WDR35: variants seen among roughly 807,000 people sequenced by gnomAD.
WDR35 encodes the protein WD repeat domain 35, also known as WD repeat-containing protein 35.
In WDR35, 118 loss-of-function variants were observed where a neutral mutation model predicts 158.3. The ratio of observed to expected loss-of-function variants is 0.75; its 90% CI spans 0.64 to 0.87. The LOEUF (loss-of-function observed/expected upper bound fraction) is 0.87, where lower values mean the gene tolerates loss of function less well. Ranked by LOEUF, WDR35 falls within the 40% of genes least tolerant of loss-of-function variation. WDR35 has a pLI of 0.00. For missense variants in WDR35, 1,263 were observed against 1,405.8 expected, an observed-to-expected ratio of 0.90 and a Z score of 1.62; for synonymous variants, 448 against 476.1, an observed-to-expected ratio of 0.94 and a Z score of 0.77.
In WDR35 at chr2:19,947,318, A is replaced by G. The variant is rs540169568; in HGVS notation, c.1525-748T>C. On this transcript the variant is annotated intron_variant, in intron 14 of 26. Transcript: ENST00000281405. ...CTGCTTTTGCAGCATGAGTCTCATG[A>G]GGGCTTATCAGAAAGGAGGGAATAC... 2.0e-5 allele frequency among the ~76,000 whole-genome samples: 3 copies of G among 152,258 alleles called. No homozygotes were observed. The South Asian group carries it at 6.2e-4, about 32-fold the overall frequency.
intron 10 of WDR35, among the ~76,000 whole-genome samples, chr2:19,966,383 C>T (rs1023051768): frequency 6.6e-6 from 1 of 152,178 alleles, no homozygotes; most frequent in Non-Finnish European, 1.5e-5. Flanking sequence ...ATAATTTCTT[C>T]AGCATTTATG....
At position 19,956,782 on chromosome 2, in the gene WDR35, G is replaced by A. The variant is rs1445892220; in HGVS notation, c.1256-2804C>T. Among the ~76,000 whole-genome samples, 6 of 151,822 alleles carry A rather than the reference G, an allele frequency of 4.0e-5. No individual in the cohort carries two copies. In the East Asian group the frequency reaches 5.8e-4, roughly 15 times the overall value. ...ACTACAGGCGCGCGCCACCATGCCC[G>A]GCTAATTTTTGTATTTTTAGTAGAG... On this transcript the variant is annotated intron_variant, in intron 11 of 26. Coordinates refer to ENST00000281405, the MANE Select transcript of WDR35 (RefSeq NM_020779.4).
At chr2:19,945,717 G>C in intron 16 of WDR35, 69 bp downstream of exon 16, 1 of 1,559,062 alleles carries the variant, frequency 6.4e-7, no homozygotes. Flanking sequence ...AGAAACAAAG[G>C]GGAATCATCC....
At chr2:19,959,742 T>C (rs1467934688) in intron 11 of WDR35, among the ~76,000 whole-genome samples, 2 of 151,930 alleles carry the variant, frequency 1.3e-5, no homozygotes, top group African/African-American at 4.8e-5. Flanking sequence ...AGGCTAAATG[T>C]CCAATATGAA....
At chr2:19,929,303 A>C (rs1430373764) in intron 25 of WDR35, among the ~76,000 whole-genome samples, 1 of 152,252 alleles carries the variant, frequency 6.6e-6, no homozygotes, top group Non-Finnish European at 1.5e-5. Context: ...ATTCAAATAA[A>C]AGAATTTCTC....
In WDR35 at chr2:19,912,916, T is replaced by A. The variant is rs1669878071; in HGVS notation, c.*642A>T. 1 of 152,232 alleles carries A rather than the reference T, an allele frequency of 6.6e-6. No individual in the cohort carries two copies. Among genetic ancestry groups the A allele is most frequent in the Non-Finnish European group, 1.5e-5 (1 of 68,046 alleles). The allele number at this position is 152,232 out of a possible 1,614,324, so 9.4% of individuals were successfully genotyped here. ...TAGAGGCAAGTTTTCTGCACAATCA[T>A]ATGAAAGTGTAAATTCCAAATGCCA... On this transcript the variant is annotated 3_prime_UTR_variant, in exon 27 of 27. Coordinates refer to ENST00000281405, the MANE Select transcript of WDR35 (RefSeq NM_020779.4).
intron 16 of WDR35, among the ~76,000 whole-genome samples, chr2:19,942,818 C>T (rs1051899713): frequency 3.3e-5 from 5 of 152,132 alleles, no homozygotes; most frequent in South Asian, 2.1e-4. Context: ...TATCCACACA[C>T]TTCATTTAAA....
chr2:19,966,225 T>C (rs1286510800), intron 10 of WDR35, among the ~76,000 whole-genome samples: 1 of 152,162 alleles, frequency 6.6e-6, no homozygotes, highest in Non-Finnish European at 1.5e-5. Flanking sequence ...CTTCTGCAAA[T>C]ATTTAAGTTG....
intron 8 of WDR35, among the ~76,000 whole-genome samples, chr2:19,972,929 TATTA>T (rs1050090566): frequency 6.6e-6 from 1 of 152,178 alleles, no homozygotes; most frequent in African/African-American, 2.4e-5. Flanking sequence ...ATTCACAATA[TATTA>T]ATTCTCCTAC....
In WDR35 at chr2:19,964,242, T is replaced by G. The variant is rs181495238; in HGVS notation, c.1194+2482A>C. ...ATGATGTGTCTCAATGTGGAAATGT[T>G]TTTATTCACTGAGCTAGGCACTTCC... On this transcript the variant is annotated intron_variant, in intron 10 of 26. Coordinates refer to ENST00000281405, the MANE Select transcript of WDR35 (RefSeq NM_020779.4). Among the ~76,000 whole-genome samples the G allele has an allele frequency of 1.2e-4, 19 of 152,288 alleles. No individual in the cohort carries two copies. In the East Asian group the frequency reaches 2.7e-3, roughly 22 times the overall value.
intron 26 of WDR35, 28 bp from the exon 27 acceptor site, chr2:19,913,736 A>G (rs761420090): frequency 6.2e-7 from 1 of 1,613,904 alleles, no homozygotes; most frequent in African/African-American, 1.3e-5. Flanking sequence ...ACAATTCATT[A>G]TACTTTAAAA....
At chr2:19,952,781 CTTT>C (rs773596785) in intron 12 of WDR35, among the ~76,000 whole-genome samples, 3 of 86,266 alleles carry the variant, frequency 3.5e-5, no homozygotes, top group South Asian at 8.9e-4. Flanking sequence ...ACTCAACATA[CTTT>C]TTTTTTTTTT....
chr2:19,936,541 A>T (rs1186227797), intron 19 of WDR35, among the ~76,000 whole-genome samples, 176 bp from the exon 20 acceptor site: 1 of 152,138 alleles, frequency 6.6e-6, no homozygotes, highest in Non-Finnish European at 1.5e-5. Flanking sequence ...GAGCACCTGG[A>T]GGTTATGGTT....
rs929789517 is a variant in WDR35 at position 19,912,132 on chromosome 2, A to G, written c.*1426T>C. The G allele has an allele frequency of 1.3e-5, 2 of 151,938 alleles. No homozygotes were observed. Among genetic ancestry groups the G allele is most frequent in the Non-Finnish European group, 2.9e-5 (2 of 67,982 alleles). The allele number at this position is 151,938 out of a possible 1,614,324, so 9.4% of individuals were successfully genotyped here. On this transcript the variant is annotated 3_prime_UTR_variant, in exon 27 of 27. Coordinates refer to ENST00000281405, the MANE Select transcript of WDR35 (RefSeq NM_020779.4). ...AGGATTCAGGTGTTGCGGTCTTTCC[A>G]CTCCACTGGCACGTTACACTAACAG...
At chr2:19,955,504 A>G (rs1326387669) in intron 11 of WDR35, among the ~76,000 whole-genome samples, 1 of 151,800 alleles carries the variant, frequency 6.6e-6, no homozygotes, top group Admixed American at 6.7e-5. Flanking sequence ...TTAAAGAAGT[A>G]GAACAATTTG....
intron 13 of WDR35, among the ~76,000 whole-genome samples, chr2:19,951,198 G>A (rs546676279): frequency 6.6e-6 from 1 of 152,118 alleles, no homozygotes; most frequent in Non-Finnish European, 1.5e-5. Context: ...GCTTTTCTAA[G>A]TAGTATATTA....
intron 5 of WDR35, among the ~76,000 whole-genome samples, chr2:19,976,452 T>C (rs187538503): frequency 1.3e-5 from 2 of 152,294 alleles, no homozygotes; most frequent in Non-Finnish European, 1.5e-5. Flanking sequence ...TATGGTTATA[T>C]ACTAATAGTC....
At chr2:19,919,958 T>C (rs938811456) in intron 25 of WDR35, among the ~76,000 whole-genome samples, 1 of 151,888 alleles carries the variant, frequency 6.6e-6, no homozygotes, top group Non-Finnish European at 1.5e-5. Context: ...AACACCTCTA[T>C]GCAAATAAAC....
chr2:19,956,800 T>C (rs1224244998), intron 11 of WDR35, among the ~76,000 whole-genome samples: 1 of 151,926 alleles, frequency 6.6e-6, no homozygotes, highest in African/African-American at 2.4e-5. Flanking sequence ...TTTGTATTTT[T>C]AGTAGAGACG....
Sources: allele counts gnomAD v4.1 joint callset (sites outside exome capture counted in the v4.1 genomes callset), GRCh38; gene constraint gnomAD v4.1.1; transcripts MANE v1.5; gene names NCBI Gene and HGNC (gene_info 2026-07-23, HGNC 2026-07-21).